Variants in CCDC154 observed in about 807,000 individuals in gnomAD.
CCDC154 encodes coiled-coil domain containing 154.
A neutral mutation model predicts 87.5 loss-of-function variants in CCDC154; 91 were observed. The observed-to-expected ratio is 1.04, with a 90% CI of 0.88 to 1.24. The LOEUF (loss-of-function observed/expected upper bound fraction) is 1.24. Among genes scored for constraint, CCDC154 ranks in the 50% most tolerant of loss-of-function variants. The pLI is 0.00. For missense variants in CCDC154, 903 were observed against 879.2 expected (o/e 1.03, Z -0.34); for synonymous variants, 418 against 400.4 (o/e 1.04, Z -0.52).
chr16:1,435,429 G>C (rs910749055), intron 14 of CCDC154: 1 of 557,840 alleles, frequency 1.8e-6, no homozygotes, highest in African/African-American at 1.9e-5. Flanking sequence ...CGGCACCCCG[G>C]TGTGGGGGCT....
chr16:1,438,438 G>T, intron 9 of CCDC154, 181 bp downstream of exon 9: 2 of 726,376 alleles, frequency 2.8e-6, no homozygotes, highest in Non-Finnish European at 4.4e-6. Context: ...GCTGGGTGAG[G>T]GACAGGAGGC....
chr16:1,442,327 G>T, intron 6 of CCDC154, 79 bp downstream of exon 6: 3 of 1,422,628 alleles, frequency 2.1e-6, no homozygotes, highest in South Asian at 3.0e-5. Flanking sequence ...CCGCTGTATC[G>T]GATGGCACAG....
At chr16:1,436,131 G>A (rs1390694871) in intron 13 of CCDC154, 45 bp from the exon 14 acceptor site, 2 of 1,488,522 alleles carry the variant, frequency 1.3e-6, no homozygotes, top group South Asian at 1.2e-5. Context: ...TGTGCTCGGG[G>A]GTAGGGCCAG....
Position 1,438,172 on chromosome 16 carries a change from C to A in CCDC154, c.1030G>T (p.Ala344Ser). The A allele has an allele frequency of 6.5e-7, 1 of 1,540,360 alleles. No homozygotes were observed. The highest frequency in any genetic ancestry group is 8.8e-7 in the Non-Finnish European group (1 of 1,141,608). ...CGGCTTTCCTCCAAGCGCCCCTTGG[C>A]GTCCCTAGGGGTTGGGGACACATAG... is the stretch of plus-strand genomic sequence containing the variant. The part of the protein sequence containing the change: ...VLLAEEKAWD[A>S]KGRLEESRAG... Residue 344 changes from alanine (A) to serine (S), a missense_variant, in exon 10 of 17, where the codon GCC becomes TCC. Physicochemically the swap from Ala to Ser is moderately conservative, Grantham distance 99. Coordinates refer to ENST00000389176, the MANE Select transcript of CCDC154 (RefSeq NM_001143980.3).
chr16:1,437,906 C>T lies in CCDC154; in HGVS notation c.1201G>A (p.Gly401Arg), dbSNP rs533940963. 221 of 1,546,728 alleles carry T rather than the reference C, an allele frequency of 1.4e-4. No individual in the cohort carries two copies. Among genetic ancestry groups the T allele is most frequent in the Non-Finnish European group, 1.7e-4 (197 of 1,146,520 alleles). ...TGGCCACTCAGCTCCTTTAACTGCC[C>T]GGCCAGCTGCGCCACGGATGCCTCC... ...ALEASVAQLA[G>R]QLKELSGHLP... Residue 401 changes from glycine (G) to arginine (R), a missense_variant, in exon 11 of 17, where the codon GGG (glycine) becomes AGG (arginine). Transcript: ENST00000389176.
chr16:1,439,219 C>T, intron 6 of CCDC154, 93 bp from the exon 7 acceptor site: 1 of 1,129,598 alleles, frequency 8.9e-7, no homozygotes, highest in Non-Finnish European at 1.3e-6. Context: ...GTTGGAGTCC[C>T]CTGCTGTCCC....
rs1596203080 is a variant in CCDC154, at chr16:1,437,029, G to T, written c.1291-218C>A. ...GGGCCTGGGCAGCCGAGGGCCCGTGGGGGCTGTTCCGACCACACAGGTGCC... is the reference window on the plus strand; with the variant it reads ...GGGCCTGGGCAGCCGAGGGCCCGTGTGGGCTGTTCCGACCACACAGGTGCC... On this transcript the variant is annotated intron_variant, in intron 11 of 16. Transcript: ENST00000389176. The T allele has an allele frequency of 6.3e-6, 4 of 636,506 alleles. No individual in the cohort carries two copies. In the East Asian group the frequency reaches 1.1e-4, roughly 18 times the overall value. The allele number at this position is 636,506 out of a possible 1,614,324, so 39.4% of individuals were successfully genotyped here.
Position 1,444,351 on chromosome 16 carries a change from C to T in CCDC154, c.-29G>A. On this transcript the variant is annotated 5_prime_UTR_variant, in exon 1 of 17. Transcript: ENST00000389176. ...TGCTGGGCTGCACCGGCCACCCTGC[C>T]CTCGGCTGTAGCTTGGGCCTTGGGG... 7.7e-7 allele frequency: 1 copy of T among 1,299,934 alleles called. No homozygotes were observed. The allele number at this position is 1,299,934 out of a possible 1,614,324, so 80.5% of individuals were successfully genotyped here.
At chr16:1,435,837 G>C (rs2038496900) in intron 14 of CCDC154, 132 bp downstream of exon 14, 6 of 780,234 alleles carry the variant, frequency 7.7e-6, no homozygotes, top group African/African-American at 1.7e-5. Context: ...CCGACAGGTG[G>C]TTTTCTGAGC....
At chr16:1,443,452 C>T (rs1439818521) in intron 3 of CCDC154, 54 bp downstream of exon 3, 3 of 1,430,436 alleles carry the variant, frequency 2.1e-6, no homozygotes, top group Admixed American at 2.9e-5. Flanking sequence ...GAAGCAGCTG[C>T]CCCCAACACC....
intron 6 of CCDC154, among the ~76,000 whole-genome samples, chr16:1,440,031 C>T (rs763685558): frequency 4.0e-5 from 6 of 151,598 alleles, no homozygotes; most frequent in Non-Finnish European, 8.8e-5. Context: ...TCTGTAATCC[C>T]AGCTACTCTG....
Position 1,438,681 on chromosome 16 carries a change from G to T in CCDC154, c.963C>A (p.Thr321=), listed in dbSNP as rs1567257973. ...ACGCCTGGTTCTGCTGCACAAACTT[G>T]GTCAGCTGGGCCACGGCAGCATCCA... The part of the protein sequence containing the change: ...QGLDAAVAQL[T]KFVQQNQASL... The change falls in exon 9 of 17, where the codon ACC becomes ACA. Residue 321 remains threonine (T), a synonymous_variant. Transcript: ENST00000389176. 4 of 1,549,994 alleles carry T rather than the reference G, an allele frequency of 2.6e-6. No homozygotes were observed.
At chr16:1,435,907 C>T (rs1458402969) in intron 14 of CCDC154, 62 bp downstream of exon 14, 4 of 1,382,720 alleles carry the variant, frequency 2.9e-6, no homozygotes, top group Non-Finnish European at 4.0e-6. Flanking sequence ...CGCACGGCTG[C>T]CCCGTCTGAA....
At chr16:1,435,942 G>A (rs1381587442) in intron 14 of CCDC154, 27 bp downstream of exon 14, 1 of 1,532,942 alleles carries the variant, frequency 6.5e-7, no homozygotes, top group African/African-American at 1.4e-5. Context: ...CTCTCTCCCA[G>A]CTGGGTGCGG....
intron 5 of CCDC154, 97 bp downstream of exon 5, chr16:1,442,783 G>T: frequency 7.9e-7 from 1 of 1,267,554 alleles, no homozygotes. Context: ...GGGTTACTGG[G>T]GACACACGGC....
chr16:1,436,080 G>A lies in CCDC154; in HGVS notation c.1494C>T (p.Phe498=), dbSNP rs953174449. The A allele has an allele frequency of 6.5e-7, 1 of 1,549,984 alleles. No homozygotes were observed. Among genetic ancestry groups the A allele is most frequent in the African/African-American group, 1.4e-5 (1 of 73,040 alleles). Residue 498 remains phenylalanine (F), a synonymous_variant, in exon 14 of 17, where the codon TTC becomes TTT. Coordinates refer to ENST00000389176, the MANE Select transcript of CCDC154 (RefSeq NM_001143980.3). ...RISAEGKARE[F]KVGALRQELA... is the part of the protein sequence containing the mutation. ...GCTCCTGCCGCAGGGCCCCAACCTT[G>A]AACTCCCTATGGGCACCAGAGGCCG...
rs1222355396 is a variant in CCDC154, at chr16:1,435,182, A to G, written c.1606-7T>C. On this transcript the variant is annotated splice_region_variant and splice_polypyrimidine_tract_variant and intron_variant, in intron 14 of 16. Coordinates refer to ENST00000389176, the MANE Select transcript of CCDC154 (RefSeq NM_001143980.3). ...TCATTATTTGGTTCTGAAACTAAACATGGCCCCCATTTGGGCACAGACAGG... is the reference window on the plus strand; with the variant it reads ...TCATTATTTGGTTCTGAAACTAAACGTGGCCCCCATTTGGGCACAGACAGG... The G allele has an allele frequency of 8.4e-6, 13 of 1,550,256 alleles. No individual in the cohort carries two copies. The highest frequency in any genetic ancestry group is 1.4e-5 in the African/African-American group (1 of 73,046).
Position 1,444,353 on chromosome 16 carries a change from T to C in CCDC154, c.-31A>G. 1 of 1,299,486 alleles carries C rather than the reference T, an allele frequency of 7.7e-7. No individual in the cohort carries two copies. Among genetic ancestry groups the C allele is most frequent in the Non-Finnish European group, 1.0e-6 (1 of 988,542 alleles). 80.5% of individuals were successfully genotyped at this position (1,299,486 alleles called of 1,614,324 possible). A position where few individuals can be genotyped will look rare whatever the true frequency, so the allele number is the denominator to read the frequency against. On this transcript the variant is annotated 5_prime_UTR_variant, in exon 1 of 17. Transcript: ENST00000389176. ...CTGGGCTGCACCGGCCACCCTGCCC[T>C]CGGCTGTAGCTTGGGCCTTGGGGCC...
At chr16:1,441,843 G>A (rs1005777037) in intron 6 of CCDC154, among the ~76,000 whole-genome samples, 16 of 152,146 alleles carry the variant, frequency 1.1e-4, no homozygotes, top group Admixed American at 1.0e-3. Flanking sequence ...AGGCTCAAGC[G>A]ATCCTCCCGC....
Sources: allele counts gnomAD v4.1 joint callset (sites outside exome capture counted in the v4.1 genomes callset), GRCh38; gene constraint gnomAD v4.1.1; transcripts MANE v1.5; gene names NCBI Gene and HGNC (gene_info 2026-07-23, HGNC 2026-07-21).